The following KCNQ5 variants were observed in gnomAD, a reference collection of about 807,000 sequenced individuals.
The protein encoded by KCNQ5 is potassium voltage-gated channel subfamily KQT member 5.
In KCNQ5, 30 loss-of-function variants were observed where a neutral mutation model predicts 98.2. That is an observed-to-expected ratio of 0.31 (90% CI 0.23 to 0.41). The LOEUF (loss-of-function observed/expected upper bound fraction) is 0.41. Among genes scored for constraint, KCNQ5 ranks in the 10% least tolerant of loss-of-function variants. The pLI, the probability that KCNQ5 is intolerant of heterozygous loss-of-function variation, is 1.00. For synonymous variants in KCNQ5, 458 were observed against 449.4 expected (o/e 1.02, Z -0.24); for missense variants, 835 against 1,182.5 (o/e 0.71, Z 4.31).
chr6:72,779,027 G>A (rs1773312843), intron 1 of KCNQ5, among the ~76,000 whole-genome samples: 10 of 152,216 alleles, frequency 6.6e-5, no homozygotes, highest in Admixed American at 5.9e-4. Flanking sequence ...GAGTATGTGA[G>A]TGAAGAAGTT....
intron 1 of KCNQ5, among the ~76,000 whole-genome samples, chr6:72,817,472 A>G (rs1775555636): frequency 1.3e-5 from 2 of 152,234 alleles, no homozygotes; most frequent in Admixed American, 1.3e-4. Flanking sequence ...AAAAGCAGGA[A>G]TACTACTTCA....
intron 1 of KCNQ5, among the ~76,000 whole-genome samples, chr6:72,648,273 G>A (rs1005612192): frequency 1.3e-5 from 2 of 152,094 alleles, no homozygotes; most frequent in African/African-American, 4.8e-5. Flanking sequence ...AAGCCATCAT[G>A]GAACATCGTG....
Position 72,773,036 on chromosome 6 carries a change from G to A in KCNQ5, c.398+150449G>A, listed in dbSNP as rs577479513. 3.9e-5 allele frequency among the ~76,000 whole-genome samples: 6 copies of A among 152,174 alleles called. No homozygotes were observed. In the South Asian group the frequency reaches 1.2e-3, roughly 32 times the overall value. On this transcript the variant is annotated intron_variant, in intron 1 of 13. Transcript: ENST00000370398. Reference sequence around the variant, plus strand: ...TTTTAGCTTATCAGTGTTGCCCCTTGTAAAACGCTATATTGAATATATCAA... The same window carrying A: ...TTTTAGCTTATCAGTGTTGCCCCTTATAAAACGCTATATTGAATATATCAA...
At chr6:73,033,501 A>C (rs2150349969) in intron 2 of KCNQ5, among the ~76,000 whole-genome samples, 1 of 152,348 alleles carries the variant, frequency 6.6e-6, no homozygotes, top group East Asian at 1.9e-4. Context: ...AACTAATCCC[A>C]AGGGGAAAGA....
chr6:72,719,805 C>T (rs114584278), intron 1 of KCNQ5, among the ~76,000 whole-genome samples: 1 of 152,328 alleles, frequency 6.6e-6, no homozygotes, highest in African/African-American at 2.4e-5. Flanking sequence ...CCCTCTAATG[C>T]AGGCAGTTCT....
At chr6:72,626,363 T>C (rs996193010) in intron 1 of KCNQ5, among the ~76,000 whole-genome samples, 1 of 152,164 alleles carries the variant, frequency 6.6e-6, no homozygotes, top group Non-Finnish European at 1.5e-5. Flanking sequence ...AGAAAACAGC[T>C]TGAGTAAAGA....
chr6:72,627,652 G>T (rs2098918640), intron 1 of KCNQ5, among the ~76,000 whole-genome samples: 1 of 152,186 alleles, frequency 6.6e-6, no homozygotes, highest in African/African-American at 2.4e-5. Flanking sequence ...GGACCCAGTA[G>T]TGTAGGTTAG....
intron 10 of KCNQ5, among the ~76,000 whole-genome samples, chr6:73,152,321 A>G (rs1252903729): frequency 1.3e-5 from 2 of 151,802 alleles, no homozygotes; most frequent in Non-Finnish European, 2.9e-5. Context: ...ACTGGCCCCG[A>G]TTTTCTTATC....
intron 1 of KCNQ5, among the ~76,000 whole-genome samples, chr6:72,759,958 G>A (rs1203675848): frequency 6.6e-6 from 1 of 152,054 alleles, no homozygotes; most frequent in Admixed American, 6.6e-5. Flanking sequence ...GAAGAAAATA[G>A]ATAAGATGTG....
At chr6:72,835,121 G>A (rs1447136683) in intron 1 of KCNQ5, among the ~76,000 whole-genome samples, 1 of 152,016 alleles carries the variant, frequency 6.6e-6, no homozygotes, top group East Asian at 1.9e-4. Context: ...GACACTGTAA[G>A]CATAGACCCA....
At chr6:72,692,060 T>G (rs1030127890) in intron 1 of KCNQ5, among the ~76,000 whole-genome samples, 4 of 152,216 alleles carry the variant, frequency 2.6e-5, no homozygotes, top group Admixed American at 1.3e-4. Flanking sequence ...TCGACCAAAT[T>G]GCACTTAATG....
intron 1 of KCNQ5, among the ~76,000 whole-genome samples, chr6:72,767,432 G>T (rs1159090234): frequency 6.6e-6 from 1 of 151,648 alleles, no homozygotes; most frequent in African/African-American, 2.4e-5. Flanking sequence ...TTTTGAGAAA[G>T]AATTATTAAA....
rs111700458 is a variant in KCNQ5 at position 73,050,194 on chromosome 6, G to A, written c.616+8132G>A. On this transcript the variant is annotated intron_variant, in intron 3 of 13. Coordinates refer to ENST00000370398, the MANE Select transcript of KCNQ5 (RefSeq NM_019842.4). The stretch of plus-strand genomic sequence containing the variant: ...ATTGCACCACTGTACTGCAGCCTGG[G>A]CAACAGAGTAAGACAGAGAGAGAGA... Among the ~76,000 whole-genome samples, 1,356 of 151,024 alleles carry A rather than the reference G, an allele frequency of 9.0e-3. 16 individuals are homozygous for A. The highest frequency in any genetic ancestry group is 0.031 in the African/African-American group (1,281 of 41,002).
chr6:72,952,584 TTTAGCC>T (rs1393550816), intron 1 of KCNQ5, among the ~76,000 whole-genome samples: 1 of 152,182 alleles, frequency 6.6e-6, no homozygotes, highest in Non-Finnish European at 1.5e-5. Flanking sequence ...TATAAAATAT[TTTAGCC>T]TTTTACACCA....
intron 5 of KCNQ5, among the ~76,000 whole-genome samples, chr6:73,096,469 G>A (rs1774504322): frequency 6.6e-6 from 1 of 151,990 alleles, no homozygotes; most frequent in Non-Finnish European, 1.5e-5. Context: ...GAACCCTGCA[G>A]GCCATGGAGG....
chr6:72,831,642 T>C (rs941784545), intron 1 of KCNQ5, among the ~76,000 whole-genome samples: 6 of 151,098 alleles, frequency 4.0e-5, no homozygotes, highest in African/African-American at 1.2e-4. Flanking sequence ...GACCAGTTAG[T>C]GGGTGCAGCA....
At chr6:73,124,988 CACACAT>C (rs1473258694) in intron 9 of KCNQ5, among the ~76,000 whole-genome samples, 11 of 57,792 alleles carry the variant, frequency 1.9e-4, no homozygotes, top group Non-Finnish European at 2.9e-4. Flanking sequence ...TATACACACA[CACACAT>C]ATATATATCA....
At chr6:73,019,811 A>G (rs1461489873) in intron 2 of KCNQ5, among the ~76,000 whole-genome samples, 5 of 152,196 alleles carry the variant, frequency 3.3e-5, no homozygotes, top group Non-Finnish European at 7.3e-5. Flanking sequence ...TGTTAAAAAT[A>G]TAAGACAGTC....
chr6:72,849,881 C>T (rs1186574294), intron 1 of KCNQ5, among the ~76,000 whole-genome samples: 2 of 152,036 alleles, frequency 1.3e-5, no homozygotes, highest in Non-Finnish European at 2.9e-5. Flanking sequence ...ATAAATGGCT[C>T]CCAGAGTCAC....
Sources: allele counts gnomAD v4.1 joint callset (sites outside exome capture counted in the v4.1 genomes callset), GRCh38; gene constraint gnomAD v4.1.1; transcripts MANE v1.5; gene names NCBI Gene and HGNC (gene_info 2026-07-23, HGNC 2026-07-21).